PIK3CD: variants seen among roughly 807,000 people sequenced by gnomAD.
PIK3CD encodes the protein phosphatidylinositol-4,5-bisphosphate 3-kinase catalytic subunit delta.
PIK3CD carries 20 observed loss-of-function variants against 122.9 expected under a neutral mutation model. That is an observed-to-expected ratio of 0.16 (90% confidence interval 0.11 to 0.24). The LOEUF is 0.24. Among genes scored for constraint, PIK3CD ranks in the 10% least tolerant of loss-of-function variants. The pLI, the probability that PIK3CD is intolerant of heterozygous loss-of-function variation, is 1.00. For synonymous variants in PIK3CD, 596 were observed against 593.4 expected (o/e 1.00, Z -0.06); for missense variants, 787 against 1,406.3 (o/e 0.56, Z 7.04).
intron 1 of PIK3CD, chr1:9,660,877 T>A (rs1299670567): frequency 6.6e-6 from 1 of 152,210 alleles, no homozygotes; most frequent in South Asian, 2.1e-4. Context: ...CCCCTTTCAT[T>A]TCCTACATGG....
chr1:9,655,687 CT>C (rs1644832718), intron 1 of PIK3CD, among the ~76,000 whole-genome samples: 1 of 123,986 alleles, frequency 8.1e-6, no homozygotes, highest in African/African-American at 2.9e-5. Flanking sequence ...TACTTTCTTT[CT>C]TTTTTCTTCT....
the PIK3CD span, among the ~76,000 whole-genome samples, chr1:9,637,606 C>G: frequency 1.3e-5 from 2 of 150,836 alleles, no homozygotes; most frequent in South Asian, 2.1e-4. Context: ...GGGCCACACT[C>G]TCTCTGGAGG....
intron 1 of PIK3CD, among the ~76,000 whole-genome samples, chr1:9,688,673 A>T (rs1005012819): frequency 9.9e-5 from 15 of 152,138 alleles, no homozygotes; most frequent in Admixed American, 2.6e-4. Flanking sequence ...AAAAAATTTT[A>T]AAAAATTAGC....
At position 9,721,869 on chromosome 1, in the gene PIK3CD, C is replaced by CA; in HGVS notation, c.2055+11dup. The stretch of plus-strand genomic sequence containing the variant: ...AGGTGCTGATGAAGCAGGTGAGGCC[C>CA]AAGGCCCTGGGGGGCGGGCAGGGGG... On this transcript the variant is annotated intron_variant, in intron 16 of 23. Coordinates refer to ENST00000377346, the MANE Select transcript of PIK3CD (RefSeq NM_005026.5). The CA allele has an allele frequency of 6.2e-7, 1 of 1,612,896 alleles. No homozygotes were observed. The highest frequency in any genetic ancestry group is 2.2e-5 in the East Asian group (1 of 44,880).
chr1:9,688,154 C>G (rs1646044214), intron 1 of PIK3CD: 1 of 152,270 alleles, frequency 6.6e-6, no homozygotes, highest in Non-Finnish European at 1.5e-5. Flanking sequence ...TCCTGGAGCT[C>G]ATCTGCCTGG....
chr1:9,715,407 G>C lies in PIK3CD; in HGVS notation c.142-134G>C. 1.1e-5 allele frequency: 8 copies of C among 729,680 alleles called. No individual in the cohort carries two copies. The highest frequency in any genetic ancestry group is 1.7e-5 in the African/African-American group (1 of 57,870). The allele number at this position is 729,680 out of a possible 1,614,324, so 45.2% of individuals were successfully genotyped here. On this transcript the variant is annotated intron_variant, in intron 3 of 23. Coordinates refer to ENST00000377346, the MANE Select transcript of PIK3CD (RefSeq NM_005026.5). The surrounding 1 kb of genome is among the most constrained non-coding windows in gnomAD (Gnocchi z 4.1). ...CACCCAGGGGGCTGCAGAGAGTGCA[G>C]ATCTTGGGGTCTGCCTCTGCCCTCT...
At chr1:9,685,733 A>G (rs1352042910) in intron 1 of PIK3CD, among the ~76,000 whole-genome samples, 1 of 152,126 alleles carries the variant, frequency 6.6e-6, no homozygotes, top group Admixed American at 6.6e-5. Flanking sequence ...GACTATTGAC[A>G]GGTGCTATCA....
the PIK3CD span, among the ~76,000 whole-genome samples, chr1:9,634,596 G>A: frequency 1.1e-4 from 16 of 152,184 alleles, no homozygotes; most frequent in African/African-American, 3.9e-4. Context: ...ACTGCGTCCA[G>A]CCTCCAAGTT....
chr1:9,649,543 C>T (rs1644637557), upstream of PIK3CD, among the ~76,000 whole-genome samples: 1 of 152,060 alleles, frequency 6.6e-6, no homozygotes. Flanking sequence ...TGGGCCTCTG[C>T]TTATTGCAGC....
chr1:9,639,331 G>A, the PIK3CD span, among the ~76,000 whole-genome samples: 1 of 152,090 alleles, frequency 6.6e-6, no homozygotes, highest in African/African-American at 2.4e-5. Flanking sequence ...GAGAGATAGA[G>A]GCTTTTGGAG....
the PIK3CD span, among the ~76,000 whole-genome samples, chr1:9,641,026 T>A: frequency 1.3e-5 from 2 of 152,136 alleles, no homozygotes; most frequent in Non-Finnish European, 2.9e-5. Flanking sequence ...AGTTCTGTAG[T>A]CCCCCTTCCC....
At position 9,726,401 on chromosome 1, in the gene PIK3CD, T is replaced by C. The variant is rs934856857; in HGVS notation, c.2998-508T>C. 7.9e-5 allele frequency among the ~76,000 whole-genome samples: 12 copies of C among 151,572 alleles called. No individual in the cohort carries two copies. The East Asian group carries it at 1.6e-3, about 20-fold the overall frequency. Reference sequence around the variant, plus strand: ...GCGGCTGCCTGTAGTCCCAGCTACTTGGGAGGCTGAGGCAGAAGAATCACT... The same window carrying C: ...GCGGCTGCCTGTAGTCCCAGCTACTCGGGAGGCTGAGGCAGAAGAATCACT... On this transcript the variant is annotated intron_variant, in intron 23 of 23. Transcript: ENST00000377346.
chr1:9,680,933 C>T (rs1645725597), intron 1 of PIK3CD: 1 of 152,210 alleles, frequency 6.6e-6, no homozygotes, highest in African/African-American at 2.4e-5. Flanking sequence ...TCCAGGGTCT[C>T]ATGAGGCTGC....
At chr1:9,647,692 G>C (rs981240503), upstream of PIK3CD, among the ~76,000 whole-genome samples, 2 of 151,828 alleles carry the variant, frequency 1.3e-5, no homozygotes, top group Non-Finnish European at 2.9e-5. Context: ...TTTTTGTAAA[G>C]ATGAGGTCTC....
At chr1:9,705,363 G>GCTACA (rs1646793504) in intron 2 of PIK3CD, among the ~76,000 whole-genome samples, 1 of 151,256 alleles carries the variant, frequency 6.6e-6, no homozygotes, top group Non-Finnish European at 1.5e-5. Context: ...AGGGTGTAGT[G>GCTACA]GCATACGCCT....
Position 9,717,409 on chromosome 1 carries a change from A to T in PIK3CD, c.931-128A>T. ...TCTGGGAAAGGATAGCATTGTGGACAGGCCCAAACCTGGCCGCAAACCTGT... is the reference window on the plus strand; with the variant it reads ...TCTGGGAAAGGATAGCATTGTGGACTGGCCCAAACCTGGCCGCAAACCTGT... On this transcript the variant is annotated intron_variant, in intron 7 of 23. Coordinates refer to ENST00000377346, the MANE Select transcript of PIK3CD (RefSeq NM_005026.5). This position sits in a 1 kb window ranked among gnomAD's most constrained non-coding sequence, Gnocchi z 5.4. 1.0e-6 allele frequency: 1 copy of T among 965,008 alleles called. No individual in the cohort carries two copies. The highest frequency in any genetic ancestry group is 1.6e-6 in the Non-Finnish European group (1 of 608,246). The allele number at this position is 965,008 out of a possible 1,614,324, so 59.8% of individuals were successfully genotyped here.
Position 9,724,703 on chromosome 1 carries a change from G to T in PIK3CD, c.2865-101G>T. On this transcript the variant is annotated intron_variant, in intron 22 of 23. Transcript: ENST00000377346. This position sits in a 1 kb window ranked among gnomAD's most constrained non-coding sequence, Gnocchi z 7.3. Reference sequence around the variant, plus strand: ...TGTGTCCACCCATTATCAGGGCAAGGGCAGGTGTCCTTGGGGAAGGGGCTG... The same window carrying T: ...TGTGTCCACCCATTATCAGGGCAAGTGCAGGTGTCCTTGGGGAAGGGGCTG... The T allele has an allele frequency of 6.8e-7, 1 of 1,471,438 alleles. No homozygotes were observed. Among genetic ancestry groups the T allele is most frequent in the Non-Finnish European group, 9.5e-7 (1 of 1,053,172 alleles). 91.1% of individuals were successfully genotyped at this position (1,471,438 alleles called of 1,614,324 possible).
At chr1:9,671,516 G>A (rs556374570) in intron 1 of PIK3CD, among the ~76,000 whole-genome samples, 18 of 152,292 alleles carry the variant, frequency 1.2e-4, no homozygotes, top group Non-Finnish European at 2.2e-4. Flanking sequence ...AATGACAGGT[G>A]TTCCTGTCAT....
intron 3 of PIK3CD, among the ~76,000 whole-genome samples, chr1:9,711,753 T>A (rs1647060883): frequency 6.6e-6 from 1 of 151,622 alleles, no homozygotes; most frequent in African/African-American, 2.4e-5. Context: ...TTTTCGTGTC[T>A]GTATTTTTTG....
Sources: gnomAD v4.1 joint callset for allele counts (sites outside exome capture counted in the v4.1 genomes callset) on GRCh38, gnomAD v4.1.1 for gene constraint, Gnocchi (gnomAD v3.1) non-coding constraint, MANE v1.5 for transcripts, NCBI Gene and HGNC (gene_info 2026-07-23, HGNC 2026-07-21) for gene names.